The following EIF4G3 variants were observed in gnomAD, a reference collection of about 807,000 sequenced individuals.
The protein encoded by EIF4G3 is eIF-4-gamma 3.
In EIF4G3, 34 loss-of-function variants were observed where a neutral mutation model predicts 186.4. The ratio of observed to expected loss-of-function variants is 0.18; its 90% CI spans 0.14 to 0.24. The LOEUF (loss-of-function observed/expected upper bound fraction) is 0.24. EIF4G3 is among the 10% of genes least tolerant of loss of function. EIF4G3 has a pLI of 1.00. For synonymous variants in EIF4G3, 673 were observed against 679.5 expected (o/e 0.99, Z 0.15); for missense variants, 1,536 against 1,948.5 (o/e 0.79, Z 3.99).
intron 4 of EIF4G3, among the ~76,000 whole-genome samples, chr1:21,014,897 A>G (rs990492251): frequency 6.6e-6 from 1 of 152,146 alleles, no homozygotes; most frequent in Non-Finnish European, 1.5e-5. Flanking sequence ...GGCCTCCCAA[A>G]GTGCTGGGAT....
At chr1:21,075,016 AAAG>A (rs2095543757) in intron 3 of EIF4G3, among the ~76,000 whole-genome samples, 1 of 152,186 alleles carries the variant, frequency 6.6e-6, no homozygotes, top group Admixed American at 6.5e-5. Flanking sequence ...TCAGATACAC[AAAG>A]AAGAAAGAAA....
intron 12 of EIF4G3, among the ~76,000 whole-genome samples, chr1:20,953,804 G>A (rs78228072): frequency 0.029 from 4,431 of 152,176 alleles, 144 homozygotes; most frequent in East Asian, 0.14. Context: ...AAATGTTGGC[G>A]GGGTGGTGGG....
rs150481062 is a variant in EIF4G3, at chr1:21,099,059, CCAAAA to C, written c.-271-9851_-271-9847del. 8.0e-3 allele frequency among the ~76,000 whole-genome samples: 1,213 copies of C among 152,228 alleles called. 15 individuals are homozygous for C. Among genetic ancestry groups the C allele is most frequent in the African/African-American group, 0.027 (1,140 of 41,528 alleles). The stretch of plus-strand genomic sequence containing the variant: ...CATCATTAATGAATGCAAATTAAAA[CCAAAA>C]CGAGATATCACTATACCTGTTACAC... On this transcript the variant is annotated intron_variant, in intron 2 of 36. Coordinates refer to ENST00000602326, the MANE Select transcript of EIF4G3 (RefSeq NM_001391906.1).
chr1:21,086,999 ATATGTAAACAC>A (rs1326445049), intron 3 of EIF4G3, among the ~76,000 whole-genome samples: 102 of 152,146 alleles, frequency 6.7e-4, no homozygotes, highest in Non-Finnish European at 5.4e-4. Flanking sequence ...CTCTGAAATT[ATATGTAAACAC>A]TATGTATATG....
intron 34 of EIF4G3, among the ~76,000 whole-genome samples, chr1:20,815,799 C>T (rs1282915617): frequency 2.2e-3 from 287 of 127,674 alleles, no homozygotes; most frequent in Non-Finnish European, 4.0e-3. Flanking sequence ...GCCCCCCACC[C>T]GGCCAGCCGC....
At chr1:21,043,870 CA>C (rs1427967397) in intron 4 of EIF4G3, among the ~76,000 whole-genome samples, 4 of 141,048 alleles carry the variant, frequency 2.8e-5, no homozygotes, top group African/African-American at 1.1e-4. Context: ...AACCTTGGCG[CA>C]AAAAAAAAAA....
At chr1:21,133,811 T>C (rs1296121974) in intron 2 of EIF4G3, among the ~76,000 whole-genome samples, 1 of 152,220 alleles carries the variant, frequency 6.6e-6, no homozygotes, top group African/African-American at 2.4e-5. Flanking sequence ...CCGGGCACTT[T>C]ATATACTCTA....
At position 21,040,952 on chromosome 1, in the gene EIF4G3, A is replaced by AT. The variant is rs112731832; in HGVS notation, c.-67+9913dup. Among the ~76,000 whole-genome samples, 878 of 148,124 alleles carry AT rather than the reference A, an allele frequency of 5.9e-3. 7 individuals carry two copies. Among genetic ancestry groups the AT allele is most frequent in the African/African-American group, 0.019 (770 of 40,454 alleles). On this transcript the variant is annotated intron_variant, in intron 4 of 36. Coordinates refer to ENST00000602326, the MANE Select transcript of EIF4G3 (RefSeq NM_001391906.1). ...CAGGTGTTTCTGTACCTCACTTCTG[A>AT]TTTTTTTTTTTAACACTTTCCCTTT...
chr1:20,821,782 T>C (rs1407493158), intron 33 of EIF4G3, among the ~76,000 whole-genome samples: 10 of 151,780 alleles, frequency 6.6e-5, no homozygotes, highest in Admixed American at 6.6e-5. Flanking sequence ...TGTATACTTC[T>C]CTATTATGTA....
chr1:20,959,657 A>G (rs947657629), intron 12 of EIF4G3, among the ~76,000 whole-genome samples: 70 of 33,652 alleles, frequency 2.1e-3, no homozygotes, highest in African/African-American at 0.014. Flanking sequence ...CAAATCAGCA[A>G]TAATAATAAT....
At chr1:21,048,943 C>A (rs2094053565) in intron 4 of EIF4G3, among the ~76,000 whole-genome samples, 1 of 152,158 alleles carries the variant, frequency 6.6e-6, no homozygotes, top group Non-Finnish European at 1.5e-5. Flanking sequence ...TAACCGACTA[C>A]AGAGTCACCT....
chr1:21,049,127 T>C (rs897438112), intron 4 of EIF4G3, among the ~76,000 whole-genome samples: 16 of 152,210 alleles, frequency 1.1e-4, no homozygotes, highest in Admixed American at 9.8e-4. Context: ...CATTGTGCCC[T>C]GCATCAGCTC....
At chr1:20,918,232 C>T (rs896092989) in intron 14 of EIF4G3, among the ~76,000 whole-genome samples, 1 of 152,032 alleles carries the variant, frequency 6.6e-6, no homozygotes, top group South Asian at 2.1e-4. Context: ...ATTTTTTAGA[C>T]AGGGTATCTC....
rs1486137365 is a variant in EIF4G3 at position 20,806,730 on chromosome 1, T to C, written c.*589A>G. On this transcript the variant is annotated 3_prime_UTR_variant, in exon 37 of 37. Transcript: ENST00000602326. ...TGTTTCAATGTTATGTATGTTTTGA[T>C]TACTATTGTGATTTTTTAAATTTTC... 1 of 152,398 alleles carries C rather than the reference T, an allele frequency of 6.6e-6. No homozygotes were observed. The highest frequency in any genetic ancestry group is 1.5e-5 in the Non-Finnish European group (1 of 68,024). 9.4% of individuals were successfully genotyped at this position (152,398 alleles called of 1,614,324 possible).
At chr1:21,075,462 G>A (rs917570727) in intron 3 of EIF4G3, among the ~76,000 whole-genome samples, 1 of 150,470 alleles carries the variant, frequency 6.6e-6, no homozygotes. Flanking sequence ...CCAGCTACTT[G>A]GGAGGTTCAG....
chr1:20,824,591 T>C (rs1214978575), intron 33 of EIF4G3, among the ~76,000 whole-genome samples: 1 of 152,252 alleles, frequency 6.6e-6, no homozygotes, highest in African/African-American at 2.4e-5. Flanking sequence ...TGGGGTCTTC[T>C]GTTTTGTAGA....
intron 2 of EIF4G3, among the ~76,000 whole-genome samples, chr1:21,149,819 T>A (rs1175389503): frequency 6.6e-6 from 1 of 152,228 alleles, no homozygotes; most frequent in East Asian, 1.9e-4. Flanking sequence ...TTAAGTATGT[T>A]CACCCACCAA....
At chr1:21,123,562 CAAA>C (rs796201449) in intron 2 of EIF4G3, among the ~76,000 whole-genome samples, 2 of 74,554 alleles carry the variant, frequency 2.7e-5, no homozygotes, top group Non-Finnish European at 2.8e-5. Flanking sequence ...AAGACTGTCT[CAAA>C]AAAAAAAAAA....
chr1:21,045,782 T>C (rs747493035), intron 4 of EIF4G3, among the ~76,000 whole-genome samples: 6 of 151,894 alleles, frequency 4.0e-5, no homozygotes, highest in Non-Finnish European at 7.4e-5. Context: ...TTTTAAATAA[T>C]TCAAACTTCT....
Sources: allele counts gnomAD v4.1 joint callset (sites outside exome capture counted in the v4.1 genomes callset), GRCh38; gene constraint gnomAD v4.1.1; transcripts MANE v1.5; gene names NCBI Gene and HGNC (gene_info 2026-07-23, HGNC 2026-07-21).